The following C13orf42 variants were observed in gnomAD, a reference collection of about 807,000 sequenced individuals.
C13orf42 encodes the protein uncharacterized protein C13orf42.
At chr13:51,110,774 T>C in intron 1 of C13orf42, 22 bp downstream of exon 1, 1 of 398,590 alleles carries the variant, frequency 2.5e-6, no homozygotes, top group Non-Finnish European at 4.4e-6. Flanking sequence ...TCATCTAAAT[T>C]GTACTGCTCA....
At chr13:51,160,169 T>C (rs1953853926) in intron 1 of C13orf42, among the ~76,000 whole-genome samples, 1 of 152,180 alleles carries the variant, frequency 6.6e-6, no homozygotes, top group Non-Finnish European at 1.5e-5. Flanking sequence ...CAGACAGTAT[T>C]GACATTAAGG....
At chr13:51,150,013 G>A (rs950466547) in intron 1 of C13orf42, among the ~76,000 whole-genome samples, 11 of 152,246 alleles carry the variant, frequency 7.2e-5, no homozygotes, top group African/African-American at 1.4e-4. Flanking sequence ...AATATTTGAC[G>A]AATAAACTCA....
intron 1 of C13orf42, among the ~76,000 whole-genome samples, chr13:51,147,121 G>A (rs1029149153): frequency 5.3e-5 from 8 of 152,256 alleles, no homozygotes; most frequent in Non-Finnish European, 1.0e-4. Flanking sequence ...TACTGACCAT[G>A]TGTCCCCCTC....
At chr13:51,150,996 C>A in intron 1 of C13orf42, among the ~76,000 whole-genome samples, 1 of 152,258 alleles carries the variant, frequency 6.6e-6, no homozygotes, top group East Asian at 1.9e-4. Flanking sequence ...CTTCAGAACC[C>A]CCCTGGCCTG....
intron 1 of C13orf42, among the ~76,000 whole-genome samples, chr13:51,144,642 A>T (rs1393989363): frequency 6.6e-6 from 1 of 152,202 alleles, no homozygotes; most frequent in Non-Finnish European, 1.5e-5. Flanking sequence ...AACTGGCCTC[A>T]TATTTTGTGT....
At chr13:51,129,459 A>G (rs947283867) in intron 1 of C13orf42, among the ~76,000 whole-genome samples, 1 of 152,150 alleles carries the variant, frequency 6.6e-6, no homozygotes, top group Admixed American at 6.5e-5. Flanking sequence ...AGATCCCTTC[A>G]TGACCGACAA....
intron 1 of C13orf42, among the ~76,000 whole-genome samples, chr13:51,136,739 G>A (rs536595861): frequency 2.7e-4 from 41 of 152,324 alleles, no homozygotes; most frequent in African/African-American, 9.9e-4. Context: ...ACACCAGGAG[G>A]GTAACCCGCC....
chr13:51,125,706 C>G (rs942256481), intron 1 of C13orf42, among the ~76,000 whole-genome samples: 1 of 152,186 alleles, frequency 6.6e-6, no homozygotes, highest in Admixed American at 6.5e-5. Flanking sequence ...CTAGGCTTAT[C>G]CTTTTAATCA....
At chr13:51,155,374 A>G (rs1953816658) in intron 1 of C13orf42, among the ~76,000 whole-genome samples, 1 of 152,250 alleles carries the variant, frequency 6.6e-6, no homozygotes, top group Non-Finnish European at 1.5e-5. Context: ...AGGAGCTCCT[A>G]ACCCAATTTA....
chr13:51,148,592 G>A (rs1412043018), intron 1 of C13orf42, among the ~76,000 whole-genome samples: 1 of 152,202 alleles, frequency 6.6e-6, no homozygotes, highest in Non-Finnish European at 1.5e-5. Flanking sequence ...GGTCCCCCTG[G>A]AGGGGGGTCC....
upstream of C13orf42, among the ~76,000 whole-genome samples, chr13:51,113,566 TTGTGTG>T (rs3990095): frequency 0.1 from 15,163 of 147,942 alleles, 1,006 homozygotes; most frequent in South Asian, 0.27. Flanking sequence ...AAAGTGTATT[TTGTGTG>T]TGTGTGTGTG....
intron 1 of C13orf42, among the ~76,000 whole-genome samples, chr13:51,095,750 T>C (rs1475104679): frequency 6.6e-6 from 1 of 152,152 alleles, no homozygotes; most frequent in African/African-American, 2.4e-5. Context: ...ATCCATCTGA[T>C]CTTGTGTGTT....
At chr13:51,165,623 G>A (rs1397170771) in intron 1 of C13orf42, among the ~76,000 whole-genome samples, 4 of 152,182 alleles carry the variant, frequency 2.6e-5, no homozygotes, top group Non-Finnish European at 4.4e-5. Context: ...CCAGAGGGAT[G>A]ACCAGCAGTG....
At chr13:51,086,493 AGTGT>A (rs985680373) in intron 2 of C13orf42, among the ~76,000 whole-genome samples, 10 of 146,702 alleles carry the variant, frequency 6.8e-5, no homozygotes, top group African/African-American at 1.1e-4. Flanking sequence ...TGTGTAAGAG[AGTGT>A]GTGTGTGAGA....
chr13:51,147,291 G>A (rs7323062), intron 1 of C13orf42, among the ~76,000 whole-genome samples: 75,211 of 152,058 alleles, frequency 0.49, 18,823 homozygotes, highest in African/African-American at 0.56. Flanking sequence ...TCCTGCTATA[G>A]GACAAATCCC....
chr13:51,165,830 A>G (rs1953898362), intron 1 of C13orf42, among the ~76,000 whole-genome samples: 2 of 152,200 alleles, frequency 1.3e-5, no homozygotes, highest in Admixed American at 1.3e-4. Flanking sequence ...AAGTAATCAT[A>G]TTTTCTGGAA....
chr13:51,147,419 T>C (rs1468740450), intron 1 of C13orf42, among the ~76,000 whole-genome samples: 1 of 148,882 alleles, frequency 6.7e-6, no homozygotes, highest in East Asian at 2.0e-4. Flanking sequence ...TCCAGGGCTC[T>C]GTGGACTCAT....
At chr13:51,114,645 T>TAGATAGATAGAG (rs777778293), upstream of C13orf42, among the ~76,000 whole-genome samples, 476 of 120,518 alleles carry the variant, frequency 3.9e-3, 6 homozygotes, top group African/African-American at 0.013. Flanking sequence ...GATAGATAGA[T>TAGATAGATAGAG]AGAGATAGAC....
chr13:51,139,441 C>T (rs181834224), intron 1 of C13orf42, among the ~76,000 whole-genome samples: 28 of 152,226 alleles, frequency 1.8e-4, no homozygotes, highest in East Asian at 1.9e-4. Flanking sequence ...TACTGTCAGA[C>T]GCATTTGGAC....
Sources: allele counts gnomAD v4.1 joint callset (sites outside exome capture counted in the v4.1 genomes callset), GRCh38; gene constraint gnomAD v4.1.1; transcripts MANE v1.5; gene names NCBI Gene and HGNC (gene_info 2026-07-23, HGNC 2026-07-21).